Variants in GEMIN2 observed in about 807,000 individuals in gnomAD.
GEMIN2 encodes the protein gem nuclear organelle associated protein 2.
GEMIN2 carries 37 observed loss-of-function variants against 45.8 expected under a neutral mutation model. The ratio of observed to expected loss-of-function variants is 0.81; its 90% CI spans 0.62 to 1.06. The LOEUF (loss-of-function observed/expected upper bound fraction) is 1.06. GEMIN2 is among the 50% of genes least tolerant of loss of function. The pLI, the probability that GEMIN2 is intolerant of heterozygous loss-of-function variation, is 0.00. For synonymous variants in GEMIN2, 101 were observed against 111.5 expected, an observed-to-expected ratio of 0.91 and a Z score of 0.60; for missense variants, 335 against 321.8, an observed-to-expected ratio of 1.04 and a Z score of -0.31.
chr14:39,122,731 A>C (rs961590258), intron 5 of GEMIN2, 188 bp downstream of exon 5: 1 of 415,656 alleles, frequency 2.4e-6, no homozygotes, highest in Non-Finnish European at 4.3e-6. Context: ...CTGAGACTTT[A>C]TGTGGCCTGC....
chr14:39,133,318 A>AAT (rs770940256), intron 8 of GEMIN2, among the ~76,000 whole-genome samples: 7,550 of 144,800 alleles, frequency 0.052, 663 homozygotes, highest in African/African-American at 0.18. Context: ...AATATATATG[A>AAT]ATATATATAT....
At position 39,122,410 on chromosome 14, in the gene GEMIN2, T is replaced by G; in HGVS notation, c.373-20T>G. On this transcript the variant is annotated intron_variant, in intron 4 of 9. Coordinates refer to ENST00000308317, the MANE Select transcript of GEMIN2 (RefSeq NM_003616.3). Reference sequence around the variant, plus strand: ...AAATTAATACACAGGAATAAATCAGTTTTTTTTTTTTTCTTTTAGCCAAAA... The same window carrying G: ...AAATTAATACACAGGAATAAATCAGGTTTTTTTTTTTTCTTTTAGCCAAAA... The G allele has an allele frequency of 2.4e-6, 2 of 842,924 alleles. No individual in the cohort carries two copies. The highest frequency in any genetic ancestry group is 3.5e-5 in the Admixed American group (1 of 28,832). The allele number at this position is 842,924 out of a possible 1,614,324, so 52.2% of individuals were successfully genotyped here. A position where few individuals can be genotyped will look rare whatever the true frequency, so the allele number is the denominator to read the frequency against.
At chr14:39,124,436 C>T (rs1475629131) in intron 5 of GEMIN2, among the ~76,000 whole-genome samples, 1 of 151,990 alleles carries the variant, frequency 6.6e-6, no homozygotes, top group African/African-American at 2.4e-5. Context: ...AATTTTTAGT[C>T]TTTAACATTT....
At chr14:39,129,693 G>A (rs551420898) in intron 7 of GEMIN2, among the ~76,000 whole-genome samples, 5 of 152,154 alleles carry the variant, frequency 3.3e-5, no homozygotes, top group South Asian at 2.1e-4. Flanking sequence ...AATTACAGGC[G>A]TGAGCCACTG....
intron 4 of GEMIN2, among the ~76,000 whole-genome samples, chr14:39,118,966 A>G (rs2052545682): frequency 6.6e-6 from 1 of 151,512 alleles, no homozygotes; most frequent in South Asian, 2.1e-4. Flanking sequence ...TGTAGAGACA[A>G]GGTCTCCCTG....
chr14:39,130,446 T>A (rs931389776), intron 7 of GEMIN2, among the ~76,000 whole-genome samples: 1 of 152,172 alleles, frequency 6.6e-6, no homozygotes, highest in Non-Finnish European at 1.5e-5. Context: ...GGTGATCATA[T>A]CTGAAAAACC....
chr14:39,116,572 G>C (rs2052510350), intron 2 of GEMIN2, among the ~76,000 whole-genome samples: 1 of 151,566 alleles, frequency 6.6e-6, no homozygotes, highest in African/African-American at 2.4e-5. Flanking sequence ...GCCTGGGAGA[G>C]TGGCATTTTA....
intron 4 of GEMIN2, among the ~76,000 whole-genome samples, chr14:39,121,396 T>G (rs1287267816): frequency 6.6e-6 from 1 of 152,106 alleles, no homozygotes; most frequent in Admixed American, 6.6e-5. Context: ...TTATCAGGCA[T>G]GGTGGCACAT....
intron 7 of GEMIN2, among the ~76,000 whole-genome samples, 164 bp downstream of exon 7, chr14:39,128,512 A>G (rs2052676535): frequency 1.3e-5 from 1 of 74,920 alleles, no homozygotes; most frequent in African/African-American, 5.7e-5. Context: ...TTTTTTTGAG[A>G]CAAGGTCTCG....
At chr14:39,123,934 T>A (rs991303299) in intron 5 of GEMIN2, among the ~76,000 whole-genome samples, 2 of 151,450 alleles carry the variant, frequency 1.3e-5, no homozygotes, top group East Asian at 3.9e-4. Flanking sequence ...TTTAAAAAAA[T>A]TTTTTTGTAG....
At chr14:39,123,257 T>G (rs1217446771) in intron 5 of GEMIN2, among the ~76,000 whole-genome samples, 2 of 152,140 alleles carry the variant, frequency 1.3e-5, no homozygotes, top group Non-Finnish European at 2.9e-5. Flanking sequence ...CAACAGGTAT[T>G]TATTATTTGC....
At chr14:39,115,111 C>A (rs78040070) in intron 2 of GEMIN2, among the ~76,000 whole-genome samples, 198 bp downstream of exon 2, 2,954 of 152,274 alleles carry the variant, frequency 0.019, 105 homozygotes, top group African/African-American at 0.067. Context: ...GTAACTCTAG[C>A]CTTTGTGGAG....
At chr14:39,133,622 G>A (rs1346872413) in intron 8 of GEMIN2, 39 bp from the exon 9 acceptor site, 6 of 1,102,486 alleles carry the variant, frequency 5.4e-6, no homozygotes, top group Non-Finnish European at 7.8e-6. Context: ...AAAGTAATAG[G>A]AACAGACAAT....
chr14:39,128,799 G>T (rs1032672426), intron 7 of GEMIN2, among the ~76,000 whole-genome samples: 1 of 151,982 alleles, frequency 6.6e-6, no homozygotes, highest in African/African-American at 2.4e-5. Flanking sequence ...CACCATGTGT[G>T]CGGCCTTTTG....
rs1413451702 is a variant in GEMIN2, at chr14:39,136,855, A to C, written c.*376A>C. On this transcript the variant is annotated 3_prime_UTR_variant, in exon 10 of 10. Transcript: ENST00000308317. ...ATTGAAAATATGTTTTGGTTACTAA[A>C]ATTTTGTTTGACTCCTAACAAAAGA... The C allele has an allele frequency of 6.1e-6, 1 of 162,802 alleles. No individual in the cohort carries two copies. The highest frequency in any genetic ancestry group is 6.4e-5 in the Admixed American group (1 of 15,726). The allele number at this position is 162,802 out of a possible 1,614,324, so 10.1% of individuals were successfully genotyped here.
intron 4 of GEMIN2, among the ~76,000 whole-genome samples, chr14:39,120,144 A>T (rs2052557297): frequency 6.6e-6 from 1 of 152,234 alleles, no homozygotes. Flanking sequence ...TTGATTCAAT[A>T]AACTATGGTC....
At chr14:39,127,717 C>A (rs942142314) in intron 6 of GEMIN2, among the ~76,000 whole-genome samples, 2 of 144,108 alleles carry the variant, frequency 1.4e-5, no homozygotes, top group African/African-American at 4.9e-5. Context: ...CAAACTAAAT[C>A]CTAGGATTTA....
chr14:39,136,735 T>C lies in GEMIN2; in HGVS notation c.*256T>C, dbSNP rs1233970639. 2.7e-6 allele frequency: 1 copy of C among 368,166 alleles called. No homozygotes were observed. The highest frequency in any genetic ancestry group is 2.1e-5 in the African/African-American group (1 of 47,574). The allele number at this position is 368,166 out of a possible 1,614,324, so 22.8% of individuals were successfully genotyped here. A position where few individuals can be genotyped will look rare whatever the true frequency, so the allele number is the denominator to read the frequency against. ...TGTAATCAAGCAGCTTGCATAGAAATTGTATGATGAAATTTTACATAGGTT... is the reference window on the plus strand; with the variant it reads ...TGTAATCAAGCAGCTTGCATAGAAACTGTATGATGAAATTTTACATAGGTT... On this transcript the variant is annotated 3_prime_UTR_variant, in exon 10 of 10. Coordinates refer to ENST00000308317, the MANE Select transcript of GEMIN2 (RefSeq NM_003616.3).
intron 8 of GEMIN2, among the ~76,000 whole-genome samples, chr14:39,133,026 G>GTATA (rs755543423): frequency 3.1e-4 from 41 of 132,348 alleles, no homozygotes; most frequent in South Asian, 1.4e-3. Context: ...GTGTGTGTGT[G>GTATA]TATATATATA....
Sources: allele counts gnomAD v4.1 joint callset (sites outside exome capture counted in the v4.1 genomes callset), GRCh38; gene constraint gnomAD v4.1.1; transcripts MANE v1.5; gene names NCBI Gene and HGNC (gene_info 2026-07-23, HGNC 2026-07-21).